The following COL6A3 variants were observed in gnomAD, a reference collection of about 807,000 sequenced individuals.
COL6A3 encodes the protein collagen type VI alpha 3 chain, also known as collagen alpha-3(VI) chain.
A neutral mutation model predicts 274.1 loss-of-function variants in COL6A3; 137 were observed. The ratio of observed to expected loss-of-function variants is 0.50; its 90% CI spans 0.44 to 0.58. COL6A3 has a LOEUF of 0.58. Among genes scored for constraint, COL6A3 ranks in the 20% least tolerant of loss-of-function variants. The probability of loss-of-function intolerance (pLI) is 0.00; values close to 1 mark genes in which losing one functional copy is unlikely to be tolerated. For synonymous variants in COL6A3, 1,650 were observed against 1,650.6 expected (o/e 1.00, Z 0.01); for missense variants, 3,950 against 4,124.9 (o/e 0.96, Z 1.16).
chr2:237,399,962 T>A (rs1277615924), intron 1 of COL6A3, among the ~76,000 whole-genome samples: 1 of 152,240 alleles, frequency 6.6e-6, no homozygotes, highest in Non-Finnish European at 1.5e-5. Flanking sequence ...CCAGACTCAA[T>A]CTCATTATCA....
At chr2:237,348,284 G>T in intron 30 of COL6A3, 65 bp downstream of exon 30, 2 of 1,322,100 alleles carry the variant, frequency 1.5e-6, no homozygotes, top group East Asian at 2.3e-5. Context: ...CTGATTCTCA[G>T]TCCATGGACA....
Position 237,368,445 on chromosome 2 carries a change from T to C in COL6A3, c.4900+118A>G. ...TTTTCCAGTATTTAATTTCTAATATTATCTGAAGAAACAACCCAGAGAGAA... is the reference window on the plus strand; with the variant it reads ...TTTTCCAGTATTTAATTTCTAATATCATCTGAAGAAACAACCCAGAGAGAA... On this transcript the variant is annotated intron_variant, in intron 10 of 43. Coordinates refer to ENST00000295550, the MANE Select transcript of COL6A3 (RefSeq NM_004369.4). The surrounding 1 kb of genome is among the most constrained non-coding windows in gnomAD (Gnocchi z 4.4). 1 of 1,261,346 alleles carries C rather than the reference T, an allele frequency of 7.9e-7. No homozygotes were observed. The highest frequency in any genetic ancestry group is 1.1e-6 in the Non-Finnish European group (1 of 917,676). The allele number at this position is 1,261,346 out of a possible 1,614,324, so 78.1% of individuals were successfully genotyped here. A position where few individuals can be genotyped will look rare whatever the true frequency, so the allele number is the denominator to read the frequency against.
intron 12 of COL6A3, 44 bp downstream of exon 12, chr2:237,365,654 T>C: frequency 3.2e-6 from 5 of 1,580,886 alleles, no homozygotes; most frequent in Non-Finnish European, 4.3e-6. Context: ...AGTAAAAATT[T>C]GGAAATTTCC....
chr2:237,357,665 A>G, intron 22 of COL6A3, 152 bp downstream of exon 22: 1 of 863,966 alleles, frequency 1.2e-6, no homozygotes, highest in Admixed American at 1.7e-5. Context: ...CCCCACGGAG[A>G]CTTCCTTCAC....
In COL6A3 at chr2:237,367,075, G is replaced by A. The variant is rs759756382; in HGVS notation, c.5112C>T (p.Asp1704=). 4.0e-5 allele frequency: 64 copies of A among 1,614,080 alleles called. No homozygotes were observed. The highest frequency in any genetic ancestry group is 4.8e-5 in the Non-Finnish European group (57 of 1,180,036). ...CTTTGTAGACCACTTTGTTGATGGC[G>A]TCAATAATCTGCCTCTTGGTAGAGA... is the stretch of plus-strand genomic sequence containing the variant. ...KDFSTKRQII[D]AINKVVYKGG... is the part of the protein sequence containing the mutation. The change falls in exon 11 of 44, where the codon GAC becomes GAT. Residue 1704 remains aspartate, a synonymous_variant. Coordinates refer to ENST00000295550, the MANE Select transcript of COL6A3 (RefSeq NM_004369.4).
chr2:237,374,762 G>A lies in COL6A3; in HGVS notation c.3329C>T (p.Ala1110Val). The part of the protein sequence containing the change: ...LLGGPTPNTG[A>V]ALEFVLRNIL... ...GTTCCTCAGGACAAACTCCAGGGCGGCCCCGGTGTTGGGGGTCGGCCCTCC... is the reference window on the plus strand; with the variant it reads ...GTTCCTCAGGACAAACTCCAGGGCGACCCCGGTGTTGGGGGTCGGCCCTCC... Residue 1110 changes from alanine to valine, a missense_variant, in exon 8 of 44, where the codon GCC becomes GTC. Physicochemically the swap from Ala to Val is moderately conservative, Grantham distance 64. Transcript: ENST00000295550. This position sits in a 1 kb window ranked among gnomAD's most constrained non-coding sequence, Gnocchi z 4.8. 3 of 1,613,888 alleles carry A rather than the reference G, an allele frequency of 1.9e-6. No individual in the cohort carries two copies. Among genetic ancestry groups the A allele is most frequent in the Non-Finnish European group, 2.5e-6 (3 of 1,179,920 alleles).
chr2:237,381,427 T>C lies in COL6A3; in HGVS notation c.1385A>G (p.Asn462Ser), dbSNP rs200250810. Residue 462 changes from asparagine (N) to serine (S), a missense_variant, in exon 5 of 44, where the codon AAT (asparagine) becomes AGT (serine). Physicochemically the swap from Asn to Ser is conservative, Grantham distance 46 (BLOSUM62 1). Around this residue, in one of 5 missense-constraint regions of COL6A3, gnomAD observed 1,934 missense variants for 1,984.3 expected, o/e 0.97. Transcript: ENST00000295550. ...GSSALGLANF[N>S]AIRDFIAKVI... ...TTTAGCAATGAAGTCTCGGATGGCA[T>C]TGAAGTTGGCCAGTCCCAGTGCAGA... 38 of 1,612,534 alleles carry C rather than the reference T, an allele frequency of 2.4e-5. No individual in the cohort carries two copies. In the Admixed American group the frequency reaches 5.2e-4, roughly 22 times the overall value.
intron 36 of COL6A3, chr2:237,342,406 A>G: frequency 1.9e-6 from 1 of 539,928 alleles, no homozygotes; most frequent in Non-Finnish European, 3.3e-6. Context: ...AGTTTTTTTC[A>G]GCTGTAAAAT....
chr2:237,357,781 A>C, intron 22 of COL6A3, 36 bp downstream of exon 22: 1 of 1,606,130 alleles, frequency 6.2e-7, no homozygotes. Context: ...TCTTGCCCTC[A>C]GTACAGGGAG....
chr2:237,395,237 AC>A (rs1428038781), intron 2 of COL6A3, 33 bp from the exon 3 acceptor site: 1 of 1,610,216 alleles, frequency 6.2e-7, no homozygotes, highest in African/African-American at 1.3e-5. Flanking sequence ...AGATTTTTCT[AC>A]TATGTAAGCA....
At chr2:237,362,598 A>C (rs941562769) in intron 14 of COL6A3, among the ~76,000 whole-genome samples, 1 of 152,246 alleles carries the variant, frequency 6.6e-6, no homozygotes, top group African/African-American at 2.4e-5. Context: ...CCTGCAAAGA[A>C]GTATGGAAGA....
chr2:237,365,913 C>T lies in COL6A3; in HGVS notation c.5623G>A (p.Val1875Ile). 1 of 1,614,160 alleles carries T rather than the reference C, an allele frequency of 6.2e-7. No homozygotes were observed. The highest frequency in any genetic ancestry group is 2.2e-5 in the East Asian group (1 of 44,884). ...GGCGAGCGGCCACCGCTGCAGCTGACCCTGTGCATCTGGCTGATTCTGTTC... is the reference window on the plus strand; with the variant it reads ...GGCGAGCGGCCACCGCTGCAGCTGATCCTGTGCATCTGGCTGATTCTGTTC... Reference protein sequence around the residue: ...ILNRISQMHRVSCSGGRSPTV... With the variant: ...ILNRISQMHRISCSGGRSPTV... Residue 1875 changes from valine (V) to isoleucine (I), a missense_variant, in exon 12 of 44, where the codon GTC (valine) becomes ATC (isoleucine). Val to Ile is a conservative substitution (Grantham distance 29). Transcript: ENST00000295550.
chr2:237,349,646 ATTGTTGGTGAGTTT>A (rs2077165781), intron 28 of COL6A3, among the ~76,000 whole-genome samples: 1 of 152,204 alleles, frequency 6.6e-6, no homozygotes, highest in South Asian at 2.1e-4. Flanking sequence ...TCACAAAATT[ATTGTTGGTGAGTTT>A]TTGGGGCATT....
chr2:237,334,493 T>C (rs1429366514), intron 41 of COL6A3, 133 bp downstream of exon 41: 4 of 980,124 alleles, frequency 4.1e-6, no homozygotes, highest in African/African-American at 1.6e-5. Context: ...AGTTGTTTTG[T>C]TGTTGTTGCT....
chr2:237,325,385 GA>G (rs1357708513), intron 43 of COL6A3, among the ~76,000 whole-genome samples, 174 bp downstream of exon 43: 2 of 152,112 alleles, frequency 1.3e-5, no homozygotes. Context: ...CCCAAAATAG[GA>G]ATTCAAAAAG....
Position 237,350,131 on chromosome 2 carries a change from C to T in COL6A3, c.6879+16G>A, listed in dbSNP as rs915585400. On this transcript the variant is annotated intron_variant, in intron 28 of 43. Transcript: ENST00000295550. ...GAGTCAGCGACAGCCTGACCCCAAG[C>T]GCGCTGTGACCTTACCGTCTCCCCA... 3.3e-5 allele frequency: 53 copies of T among 1,613,818 alleles called. No individual in the cohort carries two copies. The highest frequency in any genetic ancestry group is 4.1e-5 in the Non-Finnish European group (48 of 1,179,756).
chr2:237,382,639 G>T (rs936981076), intron 4 of COL6A3, among the ~76,000 whole-genome samples: 1 of 152,180 alleles, frequency 6.6e-6, no homozygotes, highest in Non-Finnish European at 1.5e-5. Flanking sequence ...GAGATGGACT[G>T]TTTTGCAAAA....
rs886126399 is a variant in COL6A3, at chr2:237,407,079, T to G, written c.-31+6874A>C. On this transcript the variant is annotated intron_variant, in intron 1 of 43. Coordinates refer to ENST00000295550, the MANE Select transcript of COL6A3 (RefSeq NM_004369.4). The surrounding 1 kb of genome is among the most constrained non-coding windows in gnomAD (Gnocchi z 4.3). Reference sequence around the variant, plus strand: ...TGTGCGCCACCACGCCTGGCTAATTTTTTTTGAATTTTGGTAGAGACAATA... The same window carrying G: ...TGTGCGCCACCACGCCTGGCTAATTGTTTTTGAATTTTGGTAGAGACAATA... Among the ~76,000 whole-genome samples, 4 of 151,986 alleles carry G rather than the reference T, an allele frequency of 2.6e-5. No homozygotes were observed. The highest frequency in any genetic ancestry group is 2.6e-4 in the Admixed American group (4 of 15,264).
chr2:237,334,502 C>T (rs1203551640), intron 41 of COL6A3, 124 bp downstream of exon 41: 3 of 1,042,868 alleles, frequency 2.9e-6, no homozygotes, highest in Non-Finnish European at 4.3e-6. Context: ...GTTGTTGTTG[C>T]TGTTGTTGTT....
Sources: allele counts gnomAD v4.1 joint callset (sites outside exome capture counted in the v4.1 genomes callset), GRCh38; gene constraint gnomAD v4.1.1; regional missense constraint gnomAD v4.1.1; non-coding constraint Gnocchi (gnomAD v3.1); transcripts MANE v1.5; gene names NCBI Gene and HGNC (gene_info 2026-07-23, HGNC 2026-07-21).